The following DNAH2 variants were observed in gnomAD, a reference collection of about 807,000 sequenced individuals.
The protein encoded by DNAH2 is dynein axonemal heavy chain 2, also known as axonemal beta dynein heavy chain 2.
Under a neutral mutation model 523.5 loss-of-function variants are expected in DNAH2, and 323 were observed. The observed-to-expected ratio is 0.62, with a 90% CI of 0.56 to 0.68. The LOEUF is 0.68. Among genes scored for constraint, DNAH2 ranks in the 30% least tolerant of loss-of-function variants. The pLI, the probability that DNAH2 is intolerant of heterozygous loss-of-function variation, is 0.00. For missense variants in DNAH2, 4,907 were observed against 5,701.5 expected (o/e 0.86, Z 4.49); for synonymous variants, 2,093 against 2,177.4 (o/e 0.96, Z 1.08).
chr17:7,723,047 A>G (rs778438942), intron 2 of DNAH2, among the ~76,000 whole-genome samples: 3 of 135,098 alleles, frequency 2.2e-5, no homozygotes, highest in Non-Finnish European at 3.1e-5. Context: ...TCGGCTCACT[A>G]CAAGCTCCGC....
At chr17:7,778,813 C>T (rs1472032685) in intron 35 of DNAH2, among the ~76,000 whole-genome samples, 2 of 152,170 alleles carry the variant, frequency 1.3e-5, no homozygotes, top group African/African-American at 4.8e-5. Flanking sequence ...AGGTGATCCA[C>T]CTGTCTTGGC....
chr17:7,742,952 C>T lies in DNAH2; in HGVS notation c.1714C>T (p.Pro572Ser). The change falls in exon 12 of 86, where the codon CCC becomes TCC. Residue 572 changes from proline to serine, a missense_variant. Around this residue, in one of 3 missense-constraint regions of DNAH2, gnomAD observed 2,806 missense variants for 3,190.8 expected, o/e 0.88. Coordinates refer to ENST00000572933, the MANE Select transcript of DNAH2 (RefSeq NM_020877.5). ...GTGCCTTGCTGGTGCTCATTTCCTG[C>T]CCCGTATTGGGACTGGAAAGGAGAG... ...MTCLAGAHFL[P>S]RIGTGKESVH... 3 of 1,468,906 alleles carry T rather than the reference C, an allele frequency of 2.0e-6. No homozygotes were observed. The highest frequency in any genetic ancestry group is 1.8e-4 in the Middle Eastern group (1 of 5,444). The allele number at this position is 1,468,906 out of a possible 1,614,324, so 91.0% of individuals were successfully genotyped here. A position where few individuals can be genotyped will look rare whatever the true frequency, so the allele number is the denominator to read the frequency against.
rs1007929863 is a variant in DNAH2, at chr17:7,805,325, T to C, written c.9374T>C (p.Ile3125Thr). The change falls in exon 61 of 86, where the codon ATA (isoleucine) becomes ACA (threonine). Residue 3125 changes from isoleucine (I) to threonine (T), a missense_variant. Physicochemically the swap from Ile to Thr is moderately conservative, Grantham distance 89 (BLOSUM62 -1). Around this residue, in one of 3 missense-constraint regions of DNAH2, gnomAD observed 1,851 missense variants for 2,139.4 expected, o/e 0.87. Coordinates refer to ENST00000572933, the MANE Select transcript of DNAH2 (RefSeq NM_020877.5). ...GGACGGCCCCCAGCCCAAGTGGAGA[T>C]AGTGATGCAGGCAGTTATGATTCTT... ...SYGRPPAQVE[I>T]VMQAVMILRG... 5 of 1,614,122 alleles carry C rather than the reference T, an allele frequency of 3.1e-6. No individual in the cohort carries two copies. The Admixed American group carries it at 5.0e-5, about 16-fold the overall frequency.
At chr17:7,729,219 C>T (rs142559785) in intron 4 of DNAH2, among the ~76,000 whole-genome samples, 618 of 151,976 alleles carry the variant, frequency 4.1e-3, no homozygotes, top group Admixed American at 7.0e-3. Flanking sequence ...TGGTGCTCCC[C>T]TGGTTACATG....
Position 7,771,483 on chromosome 17 carries a change from G to T in DNAH2, c.4501+15G>T, listed in dbSNP as rs759590013. 1 of 1,613,312 alleles carries T rather than the reference G, an allele frequency of 6.2e-7. No individual in the cohort carries two copies. Among genetic ancestry groups the T allele is most frequent in the Admixed American group, 1.7e-5 (1 of 59,920 alleles). On this transcript the variant is annotated intron_variant, in intron 28 of 85. Transcript: ENST00000572933. Reference sequence around the variant, plus strand: ...CCATCACCCAGGTCAGAGCTCCAGGGCTCCTGCCCTGACACAGCCTCGGCA... The same window carrying T: ...CCATCACCCAGGTCAGAGCTCCAGGTCTCCTGCCCTGACACAGCCTCGGCA...
rs759665017 is a variant in DNAH2, at chr17:7,787,943, C to T, written c.6687C>T (p.Tyr2229=). The T allele has an allele frequency of 9.9e-6, 16 of 1,614,074 alleles. No individual in the cohort carries two copies. The highest frequency in any genetic ancestry group is 5.0e-5 in the Admixed American group (3 of 60,012). The part of the protein sequence containing the change: ...VSRCGMVYTD[Y]ADLGWKPYVQ... Reference sequence around the variant, plus strand: ...GCTGCGGGATGGTCTACACTGACTACGCTGACCTGGGCTGGAAGCCCTATG... The same window carrying T: ...GCTGCGGGATGGTCTACACTGACTATGCTGACCTGGGCTGGAAGCCCTATG... Residue 2229 remains tyrosine (Y), a synonymous_variant, in exon 43 of 86, where the codon TAC becomes TAT. Coordinates refer to ENST00000572933, the MANE Select transcript of DNAH2 (RefSeq NM_020877.5).
In DNAH2 at chr17:7,737,210, C is replaced by G; in HGVS notation, c.1122C>G (p.Asn374Lys). The change falls in exon 8 of 86, where the codon AAC (asparagine) becomes AAG (lysine). Residue 374 changes from asparagine (N) to lysine (K), a missense_variant. This residue lies in a region of DNAH2 where 2,806 missense variants were observed against 3,190.8 expected (regional missense o/e 0.88). Coordinates refer to ENST00000572933, the MANE Select transcript of DNAH2 (RefSeq NM_020877.5). The part of the protein sequence containing the change: ...LISLIRIIWV[N>K]SPHYNTRERL... ...GTCTCATCCGCATCATCTGGGTCAA[C>G]TCTCCCCACTACAACACTCGGGAGA... 10 of 1,614,026 alleles carry G rather than the reference C, an allele frequency of 6.2e-6. No individual in the cohort carries two copies. Among genetic ancestry groups the G allele is most frequent in the Non-Finnish European group, 8.5e-6 (10 of 1,179,992 alleles).
Position 7,759,086 on chromosome 17 carries a change from A to G in DNAH2, c.2410A>G (p.Thr804Ala). ...GCACCAGGATGTGGTGACCATCATG[A>G]CCAACTCCTATGAGGTCTTCAAGAA... The part of the protein sequence containing the change: ...NLHQDVVTIM[T>A]NSYEVFKNDG... The change falls in exon 15 of 86, where the codon ACC becomes GCC. Residue 804 changes from threonine (T) to alanine (A), a missense_variant. Coordinates refer to ENST00000572933, the MANE Select transcript of DNAH2 (RefSeq NM_020877.5). The G allele has an allele frequency of 6.2e-7, 1 of 1,614,182 alleles. No homozygotes were observed. The highest frequency in any genetic ancestry group is 8.5e-7 in the Non-Finnish European group (1 of 1,180,034).
At position 7,723,515 on chromosome 17, in the gene DNAH2, T is replaced by A; in HGVS notation, c.167-113T>A. 3.7e-6 allele frequency: 3 copies of A among 807,438 alleles called. No homozygotes were observed. The South Asian group carries it at 4.2e-5, about 11-fold the overall frequency. The allele number at this position is 807,438 out of a possible 1,614,324, so 50.0% of individuals were successfully genotyped here. A position where few individuals can be genotyped will look rare whatever the true frequency, so the allele number is the denominator to read the frequency against. ...TCAAACTCCTGACCTCAGGTGATCCTCCCGCCTAGTACTCCCAAAGTGCTA... is the reference window on the plus strand; with the variant it reads ...TCAAACTCCTGACCTCAGGTGATCCACCCGCCTAGTACTCCCAAAGTGCTA... On this transcript the variant is annotated intron_variant, in intron 2 of 85. Transcript: ENST00000572933.
rs2075301921 is a variant in DNAH2, at chr17:7,741,105, G to C, written c.1689+113G>C. The C allele has an allele frequency of 4.5e-6, 6 of 1,347,922 alleles. No individual in the cohort carries two copies. In the South Asian group the frequency reaches 9.4e-5, roughly 21 times the overall value. 83.5% of individuals were successfully genotyped at this position (1,347,922 alleles called of 1,614,324 possible). ...CTTCAGGACCAGCACCTATGTCGGT[G>C]AGGGGAGTGGCAGGTCCAGTTCAGT... On this transcript the variant is annotated intron_variant, in intron 11 of 85. Transcript: ENST00000572933.
chr17:7,752,425 T>C (rs962017716), intron 12 of DNAH2, among the ~76,000 whole-genome samples: 3 of 152,158 alleles, frequency 2.0e-5, no homozygotes, highest in Non-Finnish European at 2.9e-5. Flanking sequence ...AACTTGTATG[T>C]TCAGGCCGCG....
In DNAH2 at chr17:7,817,986, G is replaced by A. The variant is rs201968584; in HGVS notation, c.10277G>A (p.Arg3426Gln). ...GACCTGCAGATGAGCGATTACCTGC[G>A]AATCCTAGAACACGCCATTCACTTT... Reference protein sequence around the residue: ...IIDLQMSDYLRILEHAIHFGY... With the variant: ...IIDLQMSDYLQILEHAIHFGY... The change falls in exon 68 of 86, where the codon CGA (arginine) becomes CAA (glutamine). Residue 3426 changes from arginine to glutamine, a missense_variant. Arg to Gln is a conservative substitution (Grantham distance 43). Coordinates refer to ENST00000572933, the MANE Select transcript of DNAH2 (RefSeq NM_020877.5). 3.2e-4 allele frequency: 518 copies of A among 1,613,916 alleles called. 1 individual carries two copies. Among genetic ancestry groups the A allele is most frequent in the Non-Finnish European group, 3.8e-4 (446 of 1,180,030 alleles).
At position 7,778,248 on chromosome 17, in the gene DNAH2, A is replaced by G. The variant is rs200822055; in HGVS notation, c.5352-32A>G. 1,974 of 1,613,992 alleles carry G rather than the reference A, an allele frequency of 1.2e-3. 1 individual carries two copies. Among genetic ancestry groups the G allele is most frequent in the Non-Finnish European group, 1.4e-3 (1,645 of 1,179,886 alleles). On this transcript the variant is annotated intron_variant, in intron 34 of 85. Coordinates refer to ENST00000572933, the MANE Select transcript of DNAH2 (RefSeq NM_020877.5). The stretch of plus-strand genomic sequence containing the variant: ...GCAGAAGCTGAGAGAGGCTTCCAGG[A>G]GTCTGACTCTAGTTCTGTCCTCAAT...
chr17:7,832,505 G>A lies in DNAH2; in HGVS notation c.12727-74G>A. On this transcript the variant is annotated intron_variant, in intron 82 of 85. Transcript: ENST00000572933. This position sits in a 1 kb window ranked among gnomAD's most constrained non-coding sequence, Gnocchi z 4.3. ...GCCTGGGGGACAAGAGCAAAACTCT[G>A]TCTCTAAATAAATAAATAATACGGA... 1 of 1,546,626 alleles carries A rather than the reference G, an allele frequency of 6.5e-7. No individual in the cohort carries two copies. The highest frequency in any genetic ancestry group is 1.2e-5 in the South Asian group (1 of 82,834).
chr17:7,726,307 A>ATTTTT (rs35883055), intron 3 of DNAH2, among the ~76,000 whole-genome samples: 1 of 143,252 alleles, frequency 7.0e-6, no homozygotes, highest in African/African-American at 2.6e-5. Context: ...TACCCAGCTA[A>ATTTTT]TTTTTTTTTT....
In DNAH2 at chr17:7,788,297, C is replaced by CTT. The variant is rs2076801968; in HGVS notation, c.6900+53_6900+54insTT. 1.1e-5 allele frequency: 17 copies of CTT among 1,501,338 alleles called. No homozygotes were observed. The South Asian group carries it at 2.0e-4, about 18-fold the overall frequency. 93.0% of individuals were successfully genotyped at this position (1,501,338 alleles called of 1,614,324 possible). On this transcript the variant is annotated intron_variant, in intron 44 of 85. Coordinates refer to ENST00000572933, the MANE Select transcript of DNAH2 (RefSeq NM_020877.5). ...GGGGCAGGGGGTGCTCACAGCCTCA[C>CTT]CAGAACAACTTCTGGGAAACGGCGT...
chr17:7,763,683 G>T, intron 18 of DNAH2, 148 bp from the exon 19 acceptor site: 1 of 861,176 alleles, frequency 1.2e-6, no homozygotes, highest in South Asian at 1.6e-5. Context: ...GGGGCAGATT[G>T]GAATGAGGGA....
At chr17:7,747,962 C>T (rs1252568967) in intron 12 of DNAH2, among the ~76,000 whole-genome samples, 7 of 152,180 alleles carry the variant, frequency 4.6e-5, no homozygotes, top group African/African-American at 7.2e-5. Flanking sequence ...ATCAGATTTG[C>T]TCTTTGTGTT....
intron 10 of DNAH2, 111 bp from the exon 11 acceptor site, chr17:7,740,699 G>C: frequency 6.5e-7 from 1 of 1,527,624 alleles, no homozygotes; most frequent in Non-Finnish European, 8.8e-7. Context: ...TGGCTTCGGC[G>C]TCCCCGGGAG....
Sources: allele counts gnomAD v4.1 joint callset (sites outside exome capture counted in the v4.1 genomes callset), GRCh38; gene constraint gnomAD v4.1.1; regional missense constraint gnomAD v4.1.1; non-coding constraint Gnocchi (gnomAD v3.1); transcripts MANE v1.5; gene names NCBI Gene and HGNC (gene_info 2026-07-23, HGNC 2026-07-21).